The following CD109 variants were observed in gnomAD, a reference collection of about 807,000 sequenced individuals.
CD109 encodes CD109 antigen.
Under a neutral mutation model 165.8 loss-of-function variants are expected in CD109, and 149 were observed. The ratio of observed to expected loss-of-function variants is 0.90; its 90% CI spans 0.79 to 1.03. The LOEUF is 1.03. Among genes scored for constraint, CD109 ranks in the 50% least tolerant of loss-of-function variants. The pLI, the probability that CD109 is intolerant of heterozygous loss-of-function variation, is 0.00. For synonymous variants in CD109, 585 were observed against 592.1 expected, an observed-to-expected ratio of 0.99 and a Z score of 0.18; for missense variants, 1,712 against 1,677.8, an observed-to-expected ratio of 1.02 and a Z score of -0.36.
chr6:73,761,069 AC>A (rs1554175840), intron 7 of CD109, among the ~76,000 whole-genome samples: 2 of 132,914 alleles, frequency 1.5e-5, no homozygotes, highest in Non-Finnish European at 3.3e-5. Flanking sequence ...ACACACACAC[AC>A]AAACCCAGAA....
intron 7 of CD109, 103 bp from the exon 8 acceptor site, chr6:73,762,281 T>G: frequency 1.3e-6 from 1 of 791,018 alleles, no homozygotes; most frequent in Non-Finnish European, 2.1e-6. Flanking sequence ...TTTTAAAATG[T>G]TAGATTGCTA....
At chr6:73,799,442 T>C (rs769758807) in intron 23 of CD109, among the ~76,000 whole-genome samples, 5 of 152,164 alleles carry the variant, frequency 3.3e-5, no homozygotes, top group African/African-American at 7.2e-5. Flanking sequence ...CTGGGTAATT[T>C]ATAAGGAAAG....
chr6:73,781,103 TTGAG>T (rs1169409866), intron 16 of CD109, among the ~76,000 whole-genome samples, 152 bp from the exon 17 acceptor site: 1 of 150,890 alleles, frequency 6.6e-6, no homozygotes, highest in East Asian at 1.9e-4. Context: ...GTGTGTGTGT[TTGAG>T]TGAGAGACAG....
At chr6:73,725,471 C>T (rs993409021) in intron 3 of CD109, among the ~76,000 whole-genome samples, 4 of 143,302 alleles carry the variant, frequency 2.8e-5, no homozygotes, top group Non-Finnish European at 6.0e-5. Context: ...CGTGTCTGAG[C>T]TAATATTAAC....
At chr6:73,724,727 C>T (rs1488605663) in intron 3 of CD109, among the ~76,000 whole-genome samples, 1 of 151,702 alleles carries the variant, frequency 6.6e-6, no homozygotes, top group Non-Finnish European at 1.5e-5. Context: ...AATCTTCTCA[C>T]CTCAGCCTCC....
chr6:73,706,576 CTCTA>C, intron 2 of CD109, among the ~76,000 whole-genome samples: 2 of 152,254 alleles, frequency 1.3e-5, no homozygotes, highest in Middle Eastern at 6.8e-3. Flanking sequence ...CTTGGTCTTG[CTCTA>C]TCTCTTTCAC....
intron 22 of CD109, among the ~76,000 whole-genome samples, chr6:73,790,082 T>C (rs1774864347): frequency 6.7e-6 from 1 of 148,720 alleles, no homozygotes; most frequent in Non-Finnish European, 1.5e-5. Flanking sequence ...TTAACTATAT[T>C]TACCATGCTA....
At position 73,766,891 on chromosome 6, in the gene CD109, A is replaced by G. The variant is rs1773874093; in HGVS notation, c.1434+31A>G. 2.5e-6 allele frequency: 4 copies of G among 1,606,846 alleles called. No individual in the cohort carries two copies. The South Asian group carries it at 4.4e-5, about 18-fold the overall frequency. ...GCTTACAATTCACTTGAGAATTACA[A>G]TATAATTGGACTATCTTGCTTTTGA... On this transcript the variant is annotated intron_variant, in intron 12 of 32. Coordinates refer to ENST00000287097, the MANE Select transcript of CD109 (RefSeq NM_133493.5).
chr6:73,679,261 C>G, the CD109 span, among the ~76,000 whole-genome samples: 2 of 152,042 alleles, frequency 1.3e-5, no homozygotes, highest in Non-Finnish European at 2.9e-5. Context: ...GAAGTGGGGA[C>G]TGCATGGCAA....
intron 2 of CD109, among the ~76,000 whole-genome samples, chr6:73,713,756 T>G (rs1404445058): frequency 6.6e-6 from 1 of 152,252 alleles, no homozygotes; most frequent in Non-Finnish European, 1.5e-5. Flanking sequence ...TACTATGAAA[T>G]GAGATTTCCT....
chr6:73,815,172 C>T, intron 30 of CD109, 49 bp downstream of exon 30: 1 of 1,472,794 alleles, frequency 6.8e-7, no homozygotes, highest in Non-Finnish European at 9.0e-7. Context: ...AAAAAATAGA[C>T]TTGAAGGTTT....
chr6:73,760,406 CAAAAAAAAAAAA>C (rs35181896), intron 7 of CD109, among the ~76,000 whole-genome samples: 1 of 16,596 alleles, frequency 6.0e-5, no homozygotes, highest in East Asian at 1.5e-3. Context: ...GACCCCGTCT[CAAAAAAAAAAAA>C]AAAAAAAAAA....
chr6:73,803,991 G>C (rs1337127026), intron 24 of CD109: 1 of 152,266 alleles, frequency 6.6e-6, no homozygotes, highest in Non-Finnish European at 1.5e-5. Context: ...CTGCCAACGT[G>C]TCCACGTCTC....
At chr6:73,760,406 C>CA (rs35181896) in intron 7 of CD109, among the ~76,000 whole-genome samples, 1,482 of 16,578 alleles carry the variant, frequency 0.089, 415 homozygotes, top group Middle Eastern at 0.28. Flanking sequence ...GACCCCGTCT[C>CA]AAAAAAAAAA....
intron 7 of CD109, among the ~76,000 whole-genome samples, chr6:73,760,141 C>T (rs1268377892): frequency 6.6e-6 from 1 of 152,166 alleles, no homozygotes; most frequent in Non-Finnish European, 1.5e-5. Flanking sequence ...GGCGCAGTGG[C>T]TCACGCCTGT....
At chr6:73,814,949 A>G in intron 29 of CD109, 32 bp from the exon 30 acceptor site, 1 of 1,446,686 alleles carries the variant, frequency 6.9e-7, no homozygotes, top group Non-Finnish European at 9.1e-7. Context: ...TTTATGTCCA[A>G]CTTGTTATTT....
chr6:73,679,428 C>T, the CD109 span, among the ~76,000 whole-genome samples: 3 of 151,802 alleles, frequency 2.0e-5, no homozygotes, highest in African/African-American at 7.3e-5. Context: ...GAGCCCACTT[C>T]TAAAGGTTTC....
Position 73,713,393 on chromosome 6 carries a change from G to A in CD109, c.248-9858G>A, listed in dbSNP as rs1462674195. On this transcript the variant is annotated intron_variant, in intron 2 of 32. Transcript: ENST00000287097. ...ATCTTTGTCCCTACACCATAGCGTT[G>A]GGGAAGAGTCTTTGTATTTTGTATT... Among the ~76,000 whole-genome samples, 6 of 152,114 alleles carry A rather than the reference G, an allele frequency of 3.9e-5. No homozygotes were observed. In the South Asian group the frequency reaches 1.3e-3, roughly 32 times the overall value.
chr6:73,734,448 A>G (rs963961301), intron 4 of CD109, among the ~76,000 whole-genome samples: 4 of 152,126 alleles, frequency 2.6e-5, no homozygotes, highest in Admixed American at 2.6e-4. Context: ...TTTCATTTGT[A>G]TTTCCTTAAT....
Sources: allele counts gnomAD v4.1 joint callset (sites outside exome capture counted in the v4.1 genomes callset), GRCh38; gene constraint gnomAD v4.1.1; transcripts MANE v1.5; gene names NCBI Gene and HGNC (gene_info 2026-07-23, HGNC 2026-07-21).